EIF3H: variants seen among roughly 807,000 people sequenced by gnomAD.
The protein encoded by EIF3H is eIF-3-gamma.
EIF3H carries 26 observed loss-of-function variants against 44.2 expected under a neutral mutation model. The ratio of observed to expected loss-of-function variants is 0.59; its 90% confidence interval spans 0.43 to 0.82. The LOEUF (loss-of-function observed/expected upper bound fraction) is 0.82. Ranked by LOEUF, EIF3H falls within the 40% of genes least tolerant of loss-of-function variation. EIF3H has a pLI of 0.00. For synonymous variants in EIF3H, 166 were observed against 151.9 expected, an observed-to-expected ratio of 1.09 and a Z score of -0.68; for missense variants, 359 against 432.8, an observed-to-expected ratio of 0.83 and a Z score of 1.51.
chr8:116,754,956 G>A (rs1163949848), intron 1 of EIF3H, among the ~76,000 whole-genome samples: 1 of 152,168 alleles, frequency 6.6e-6, no homozygotes, highest in African/African-American at 2.4e-5. Flanking sequence ...AGGGCAGGAA[G>A]GATACTTTTA....
intron 1 of EIF3H, among the ~76,000 whole-genome samples, chr8:116,742,150 T>G (rs762961452): frequency 1.3e-5 from 2 of 152,196 alleles, no homozygotes; most frequent in Non-Finnish European, 2.9e-5. Context: ...TCCAATACAC[T>G]TAATCAATAT....
intron 2 of EIF3H, among the ~76,000 whole-genome samples, chr8:116,679,750 G>A (rs1326027414): frequency 4.0e-4 from 4 of 10,066 alleles, no homozygotes; most frequent in South Asian, 4.3e-3. Flanking sequence ...CGCCCCGTCC[G>A]GGAGGGAGGT....
intron 2 of EIF3H, among the ~76,000 whole-genome samples, chr8:116,665,881 C>T (rs1348513367): frequency 6.6e-6 from 1 of 152,122 alleles, no homozygotes; most frequent in African/African-American, 2.4e-5. Context: ...ACAGAATGTG[C>T]ATTTGAAAAA....
intron 2 of EIF3H, among the ~76,000 whole-genome samples, chr8:116,698,711 T>C (rs1361959573): frequency 6.6e-6 from 1 of 152,228 alleles, no homozygotes; most frequent in Non-Finnish European, 1.5e-5. Flanking sequence ...TCAAAACCTC[T>C]TGCCACTACC....
chr8:116,698,184 G>GT (rs79540530), intron 2 of EIF3H, among the ~76,000 whole-genome samples: 7,368 of 149,200 alleles, frequency 0.049, 306 homozygotes, highest in Admixed American at 0.15. Context: ...TATAAAAGCA[G>GT]TTTTTTTTTT....
intron 2 of EIF3H, among the ~76,000 whole-genome samples, chr8:116,714,516 T>G (rs1377108481): frequency 6.6e-6 from 1 of 152,106 alleles, no homozygotes. Flanking sequence ...GGCTAAATGC[T>G]GAAGTGAATT....
intron 5 of EIF3H, among the ~76,000 whole-genome samples, chr8:116,654,461 A>G (rs1813454392): frequency 6.6e-6 from 1 of 152,240 alleles, no homozygotes; most frequent in African/African-American, 2.4e-5. Context: ...AAAAGCTTTC[A>G]TGCAGTAAAT....
chr8:116,720,738 A>G (rs1814729602), intron 2 of EIF3H, among the ~76,000 whole-genome samples: 1 of 152,148 alleles, frequency 6.6e-6, no homozygotes, highest in African/African-American at 2.4e-5. Context: ...ATCTCAGAGG[A>G]ACTTGTTGGG....
At chr8:116,751,216 AAAAAATAAAAT>A (rs1207899303) in intron 1 of EIF3H, among the ~76,000 whole-genome samples, 26 of 146,992 alleles carry the variant, frequency 1.8e-4, no homozygotes, top group Admixed American at 1.5e-3. Flanking sequence ...CGTCTCAAAA[AAAAAATAAAAT>A]AAAATAAAAT....
chr8:116,667,397 A>G (rs1345902033), intron 2 of EIF3H, among the ~76,000 whole-genome samples: 3 of 152,060 alleles, frequency 2.0e-5, no homozygotes, highest in Non-Finnish European at 4.4e-5. Context: ...CTCAGTTTCT[A>G]ATGTAAATCA....
chr8:116,732,791 G>C (rs1034070436), intron 1 of EIF3H, among the ~76,000 whole-genome samples: 2 of 152,142 alleles, frequency 1.3e-5, no homozygotes, highest in African/African-American at 4.8e-5. Context: ...CATATTTTTA[G>C]AACAGCAAGT....
intron 2 of EIF3H, among the ~76,000 whole-genome samples, chr8:116,679,795 A>G (rs1299380323): frequency 7.0e-4 from 6 of 8,582 alleles, no homozygotes; most frequent in Admixed American, 1.3e-3. Context: ...CAGCCGCCCC[A>G]TCCGGGAGGG....
At chr8:116,701,211 T>C (rs1397406484) in intron 2 of EIF3H, among the ~76,000 whole-genome samples, 2 of 152,176 alleles carry the variant, frequency 1.3e-5, no homozygotes, top group Non-Finnish European at 2.9e-5. Context: ...CAATTCACAA[T>C]CTCCATTTAA....
At chr8:116,648,656 G>T in intron 6 of EIF3H, 150 bp downstream of exon 6, 3 of 972,764 alleles carry the variant, frequency 3.1e-6, no homozygotes, top group Non-Finnish European at 2.7e-6. Flanking sequence ...TTACAAACAT[G>T]CCATAAAAAT....
rs769737981 is a variant in EIF3H at position 116,726,081 on chromosome 8, C to T, written c.224G>A (p.Arg75Gln). 3.8e-5 allele frequency: 62 copies of T among 1,613,914 alleles called. No homozygotes were observed. Among genetic ancestry groups the T allele is most frequent in the Admixed American group, 5.0e-5 (3 of 59,984 alleles). The change falls in exon 2 of 8, where the codon CGG (arginine) becomes CAG (glutamine). Residue 75 changes from arginine (R) to glutamine (Q), a missense_variant. Physicochemically the swap from Arg to Gln is conservative, Grantham distance 43. Around this residue, in one of 5 missense-constraint regions of EIF3H, gnomAD observed 91 missense variants for 164.6 expected, o/e 0.55. Transcript: ENST00000521861. ...AGGAAAGCAGTTGGTAATTTCAAGC[C>T]GATCTTCTACAACCAGACCCAAAAG... Reference protein sequence around the residue: ...GVLLGLVVEDRLEITNCFPFP... With the variant: ...GVLLGLVVEDQLEITNCFPFP...
intron 1 of EIF3H, among the ~76,000 whole-genome samples, chr8:116,747,240 A>G (rs1387658906): frequency 6.6e-6 from 1 of 152,000 alleles, no homozygotes; most frequent in Non-Finnish European, 1.5e-5. Context: ...TTTCTTTTGT[A>G]TTTTTAGTAG....
At position 116,682,302 on chromosome 8, in the gene EIF3H, C is replaced by T. The variant is rs1482425182; in HGVS notation, c.290-23322G>A. On this transcript the variant is annotated intron_variant, in intron 2 of 7. Transcript: ENST00000521861. ...TAGAGGTCAAAAGCATAATTTAAGT[C>T]AATAAAGTCTCAATTGAAGCTTTAA... 4.6e-5 allele frequency among the ~76,000 whole-genome samples: 7 copies of T among 152,276 alleles called. No individual in the cohort carries two copies. In the East Asian group the frequency reaches 1.4e-3, roughly 29 times the overall value.
At chr8:116,705,101 T>A (rs753395806) in intron 2 of EIF3H, among the ~76,000 whole-genome samples, 1 of 152,222 alleles carries the variant, frequency 6.6e-6, no homozygotes, top group Non-Finnish European at 1.5e-5. Flanking sequence ...TTCTTCAACA[T>A]CTAATTCATA....
chr8:116,722,821 G>A (rs1814772945), intron 2 of EIF3H, among the ~76,000 whole-genome samples: 2 of 152,076 alleles, frequency 1.3e-5, no homozygotes, highest in Non-Finnish European at 2.9e-5. Context: ...TCTGTTCTCA[G>A]TTTTCCAATC....
Sources: allele counts gnomAD v4.1 joint callset (sites outside exome capture counted in the v4.1 genomes callset), GRCh38; gene constraint gnomAD v4.1.1; regional missense constraint gnomAD v4.1.1; transcripts MANE v1.5; gene names NCBI Gene and HGNC (gene_info 2026-07-23, HGNC 2026-07-21).